NOX4: variants seen among roughly 807,000 people sequenced by gnomAD.
The protein encoded by NOX4 is kidney oxidase-1.
In NOX4, 69 loss-of-function variants were observed where a neutral mutation model predicts 87.6. The observed-to-expected ratio is 0.79, with a 90% CI of 0.65 to 0.96. NOX4 has a LOEUF of 0.96. Ranked by LOEUF, NOX4 falls within the 40% of genes least tolerant of loss-of-function variation. NOX4 has a pLI of 0.00. For synonymous variants in NOX4, 275 were observed against 238.2 expected (o/e 1.15, Z -1.42); for missense variants, 680 against 681.5 (o/e 1.00, Z 0.02).
chr11:89,472,703 T>C (rs949364323), intron 2 of NOX4, among the ~76,000 whole-genome samples: 1 of 152,180 alleles, frequency 6.6e-6, no homozygotes, highest in Non-Finnish European at 1.5e-5. Context: ...ACCTTGTCTT[T>C]CCAGTGCCAA....
chr11:89,564,270 C>T, the NOX4 span, among the ~76,000 whole-genome samples: 7 of 152,156 alleles, frequency 4.6e-5, no homozygotes, highest in Middle Eastern at 3.4e-3. Flanking sequence ...ATACAAGGAG[C>T]GTGGCTGGGG....
chr11:89,552,066 ACTTTT>A, the NOX4 span, among the ~76,000 whole-genome samples: 6 of 152,196 alleles, frequency 3.9e-5, no homozygotes, highest in Non-Finnish European at 7.3e-5. Flanking sequence ...AACGCATTCT[ACTTTT>A]CTTTTCCAGA....
chr11:89,422,675 T>C (rs533769263), intron 7 of NOX4, among the ~76,000 whole-genome samples: 2 of 152,246 alleles, frequency 1.3e-5, no homozygotes, highest in East Asian at 1.9e-4. Flanking sequence ...ATGCTTCCCA[T>C]AGACTCTTAG....
intron 2 of NOX4, 39 bp from the exon 3 acceptor site, chr11:89,451,934 A>G (rs1468623285): frequency 1.4e-6 from 2 of 1,385,010 alleles, no homozygotes; most frequent in Non-Finnish European, 2.1e-6. Flanking sequence ...AGTTAAGGAC[A>G]GTAGTAAAGC....
upstream of NOX4, among the ~76,000 whole-genome samples, chr11:89,496,419 A>G (rs554078885): frequency 6.6e-6 from 1 of 152,352 alleles, no homozygotes; most frequent in Admixed American, 6.5e-5. Context: ...GAATTGCCCT[A>G]CATTAAACAC....
At chr11:89,508,475 A>T in the NOX4 span, among the ~76,000 whole-genome samples, 1 of 152,112 alleles carries the variant, frequency 6.6e-6, no homozygotes, top group Non-Finnish European at 1.5e-5. Flanking sequence ...AAATAAAGAC[A>T]GTTATATCTT....
intron 13 of NOX4, among the ~76,000 whole-genome samples, chr11:89,352,762 G>A (rs1375626308): frequency 6.6e-6 from 1 of 152,122 alleles, no homozygotes; most frequent in Non-Finnish European, 1.5e-5. Flanking sequence ...ATGAAAAGTT[G>A]CTTACTATGG....
the NOX4 span, among the ~76,000 whole-genome samples, chr11:89,570,138 T>C: frequency 6.6e-6 from 1 of 151,878 alleles, no homozygotes; most frequent in Non-Finnish European, 1.5e-5. Flanking sequence ...ATAAAGGAAA[T>C]GTGGTAGACA....
rs141198784 is a variant in NOX4, at chr11:89,325,115, C to CTTTTTTTTTTTTTTTTTTTTTTTTTTTT, written c.*1640_*1641insAAAAAAAAAAAAAAAAAAAAAAAAAAAA. Reference sequence around the variant, plus strand: ...ACTAAACTGTATGAATGCTTTAATTCTTTTTTTTTTTTTTTTTTTTTTTTT... The same window carrying CTTTTTTTTTTTTTTTTTTTTTTTTTTTT: ...ACTAAACTGTATGAATGCTTTAATTCTTTTTTTTTTTTTTTTTTTTTTTTTTTTTTTTTTTTTTTTTTTTTTTTTTTTT... On this transcript the variant is annotated 3_prime_UTR_variant, in exon 18 of 18. Coordinates refer to ENST00000263317, the MANE Select transcript of NOX4 (RefSeq NM_016931.5). 2.6e-5 allele frequency: 2 copies of CTTTTTTTTTTTTTTTTTTTTTTTTTTTT among 76,328 alleles called. No individual in the cohort carries two copies. Among genetic ancestry groups the CTTTTTTTTTTTTTTTTTTTTTTTTTTTT allele is most frequent in the Non-Finnish European group, 2.4e-5 (1 of 42,152 alleles). The allele number at this position is 76,328 out of a possible 1,614,324, so 4.7% of individuals were successfully genotyped here.
At chr11:89,428,468 A>T (rs983732392) in intron 7 of NOX4, among the ~76,000 whole-genome samples, 1 of 116,630 alleles carries the variant, frequency 8.6e-6, no homozygotes, top group African/African-American at 4.5e-5. Flanking sequence ...TATTCAGGAA[A>T]CCCATCTCAC....
chr11:89,461,186 A>T (rs1387403974), intron 2 of NOX4, among the ~76,000 whole-genome samples: 1 of 152,088 alleles, frequency 6.6e-6, no homozygotes, highest in Non-Finnish European at 1.5e-5. Context: ...GAGGGATAGC[A>T]TTAGGAGATA....
At chr11:89,378,159 C>G (rs1201912972) in intron 11 of NOX4, among the ~76,000 whole-genome samples, 1 of 152,134 alleles carries the variant, frequency 6.6e-6, no homozygotes, top group Non-Finnish European at 1.5e-5. Context: ...TCTTTCTGTC[C>G]TATTGCCTAT....
At chr11:89,376,320 GTGAA>G (rs750759266) in intron 11 of NOX4, among the ~76,000 whole-genome samples, 1 of 152,180 alleles carries the variant, frequency 6.6e-6, no homozygotes, top group Non-Finnish European at 1.5e-5. Context: ...GTTTGAAAAC[GTGAA>G]TGAAGATCTT....
intron 12 of NOX4, among the ~76,000 whole-genome samples, chr11:89,371,840 C>T (rs1939467587): frequency 6.6e-6 from 1 of 151,892 alleles, no homozygotes; most frequent in African/African-American, 2.4e-5. Context: ...TTTCATGACT[C>T]TGAATGAGTT....
chr11:89,409,483 T>C (rs1396767181), intron 8 of NOX4, among the ~76,000 whole-genome samples: 1 of 152,154 alleles, frequency 6.6e-6, no homozygotes, highest in Non-Finnish European at 1.5e-5. Flanking sequence ...ACTATATGTA[T>C]ATAAGCAGAC....
At chr11:89,473,368 G>A (rs973311875) in intron 2 of NOX4, among the ~76,000 whole-genome samples, 9 of 151,730 alleles carry the variant, frequency 5.9e-5, no homozygotes, top group Admixed American at 1.3e-4. Context: ...ATTCCAAAAT[G>A]TTGCCTCATT....
At chr11:89,520,431 G>A in the NOX4 span, among the ~76,000 whole-genome samples, 33 of 152,092 alleles carry the variant, frequency 2.2e-4, no homozygotes, top group African/African-American at 7.5e-4. Flanking sequence ...CATTCAAGGA[G>A]CAAAAGAATA....
intron 11 of NOX4, among the ~76,000 whole-genome samples, chr11:89,384,460 C>A (rs2135108635): frequency 6.6e-6 from 1 of 152,278 alleles, no homozygotes; most frequent in South Asian, 2.1e-4. Flanking sequence ...GCTCTCCCAG[C>A]TGATCATGTC....
Position 89,400,273 on chromosome 11 carries a change from G to C in NOX4, c.953C>G (p.Pro318Arg), listed in dbSNP as rs766421051. The change falls in exon 10 of 18, where the codon CCC (proline) becomes CGC (arginine). Residue 318 changes from proline to arginine, a missense_variant. Coordinates refer to ENST00000263317, the MANE Select transcript of NOX4 (RefSeq NM_016931.5). The stretch of plus-strand genomic sequence containing the variant: ...CATTCGGATTTCCATGACATCTGAG[G>C]GATGACTCATGACCGAAATGATGGT... Reference protein sequence around the residue: ...PVTIISVMSHPSDVMEIRMVK... With the variant: ...PVTIISVMSHRSDVMEIRMVK... The C allele has an allele frequency of 1.2e-6, 2 of 1,612,914 alleles. No homozygotes were observed. The highest frequency in any genetic ancestry group is 1.7e-6 in the Non-Finnish European group (2 of 1,179,276).
Sources: gnomAD v4.1 joint callset for allele counts (sites outside exome capture counted in the v4.1 genomes callset) on GRCh38, gnomAD v4.1.1 for gene constraint, MANE v1.5 for transcripts, NCBI Gene and HGNC (gene_info 2026-07-23, HGNC 2026-07-21) for gene names.